ESRRA: variants seen among roughly 807,000 people sequenced by gnomAD.
ESRRA encodes the protein estrogen related receptor alpha.
Under a neutral mutation model 35.6 loss-of-function variants are expected in ESRRA, and 7 were observed. The ratio of observed to expected loss-of-function variants is 0.20; its 90% CI spans 0.11 to 0.37. ESRRA has a LOEUF of 0.37. Among genes scored for constraint, ESRRA ranks in the 10% least tolerant of loss-of-function variants. The pLI, the probability that ESRRA is intolerant of heterozygous loss-of-function variation, is 1.00. For missense variants in ESRRA, 378 were observed against 561.7 expected (o/e 0.67, Z 3.31); for synonymous variants, 223 against 246.9 (o/e 0.90, Z 0.91).
rs749590671 is a variant in ESRRA, at chr11:64,314,268, C to T, written c.472C>T (p.Arg158Trp). ...GVRLDRVRGG[R>W]QKYKRRPEVD... Reference sequence around the variant, plus strand: ...GCGCCTGGACCGCGTCCGGGGTGGGCGGCAGAAGTACAAGCGGCGGCCGGA... The same window carrying T: ...GCGCCTGGACCGCGTCCGGGGTGGGTGGCAGAAGTACAAGCGGCGGCCGGA... The change falls in exon 4 of 7, where the codon CGG (arginine) becomes TGG (tryptophan). Residue 158 changes from arginine (R) to tryptophan (W), a missense_variant. Physicochemically the swap from Arg to Trp is moderately radical, Grantham distance 101. Transcript: ENST00000000442. 1.2e-6 allele frequency: 2 copies of T among 1,611,920 alleles called. No homozygotes were observed. The highest frequency in any genetic ancestry group is 8.5e-7 in the Non-Finnish European group (1 of 1,179,686).
chr11:64,307,563 G>A, intron 2 of ESRRA, 59 bp downstream of exon 2: 1 of 1,320,082 alleles, frequency 7.6e-7, no homozygotes, highest in Non-Finnish European at 1.0e-6. Context: ...ACACTGCTGG[G>A]TGCAATAGGC....
At position 64,313,877 on chromosome 11, in the gene ESRRA, C is replaced by A. The variant is rs1252427383; in HGVS notation, c.326-74C>A. 5.7e-6 allele frequency: 6 copies of A among 1,053,792 alleles called. No homozygotes were observed. Among genetic ancestry groups the A allele is most frequent in the Non-Finnish European group, 8.4e-6 (6 of 718,064 alleles). 65.3% of individuals were successfully genotyped at this position (1,053,792 alleles called of 1,614,324 possible). A position where few individuals can be genotyped will look rare whatever the true frequency, so the allele number is the denominator to read the frequency against. ...AGACCTGTGCTTGCCCGGGGAGAGTCAGGGCTCTCCTGTCAGCTGGGTCCC... is the reference window on the plus strand; with the variant it reads ...AGACCTGTGCTTGCCCGGGGAGAGTAAGGGCTCTCCTGTCAGCTGGGTCCC... On this transcript the variant is annotated intron_variant, in intron 2 of 6. Coordinates refer to ENST00000000442, the MANE Select transcript of ESRRA (RefSeq NM_004451.5). This position sits in a 1 kb window ranked among gnomAD's most constrained non-coding sequence, Gnocchi z 4.0.
Position 64,314,726 on chromosome 11 carries a change from C to T in ESRRA, c.572-15C>T, listed in dbSNP as rs755492840. 1.3e-5 allele frequency: 21 copies of T among 1,607,086 alleles called. 1 individual carries two copies. The South Asian group carries it at 2.2e-4, about 17-fold the overall frequency. On this transcript the variant is annotated splice_polypyrimidine_tract_variant and intron_variant, in intron 4 of 6. Coordinates refer to ENST00000000442, the MANE Select transcript of ESRRA (RefSeq NM_004451.5). ...GATTCGAGTGCTCCTGACTCTTGTC[C>T]TCTAATTGTCACAGCAGCCCCAGTG...
chr11:64,306,208 T>G (rs1197140482), intron 1 of ESRRA: 2 of 152,344 alleles, frequency 1.3e-5, no homozygotes, highest in Non-Finnish European at 2.9e-5. Flanking sequence ...CTCTCCCCAC[T>G]TACTTCCTGA....
At chr11:64,309,944 A>T (rs2035108024) in intron 2 of ESRRA, among the ~76,000 whole-genome samples, 1 of 152,042 alleles carries the variant, frequency 6.6e-6, no homozygotes, top group South Asian at 2.1e-4. Flanking sequence ...AAAAAAAAAA[A>T]AAAAAAAAAA....
At position 64,315,692 on chromosome 11, in the gene ESRRA, C is replaced by T. The variant is rs778256216; in HGVS notation, c.1013-15C>T. ...AGATAGCCCAGGCCAACACCACATT[C>T]CTCTCTTCTTGCAGACTCTGTGCAC... is the stretch of plus-strand genomic sequence containing the variant. On this transcript the variant is annotated splice_polypyrimidine_tract_variant and intron_variant, in intron 6 of 6. Coordinates refer to ENST00000000442, the MANE Select transcript of ESRRA (RefSeq NM_004451.5). 1.4e-5 allele frequency: 22 copies of T among 1,612,850 alleles called. No individual in the cohort carries two copies. The highest frequency in any genetic ancestry group is 1.7e-5 in the Non-Finnish European group (20 of 1,179,224).
rs540552530 is a variant in ESRRA, at chr11:64,306,026, A to G, written c.-13+290A>G. Reference sequence around the variant, plus strand: ...CCAGCCCGCTCCGGGGCAGGGTTCAATCCCGCATTTGCCGAAGTCCCTGGG... The same window carrying G: ...CCAGCCCGCTCCGGGGCAGGGTTCAGTCCCGCATTTGCCGAAGTCCCTGGG... On this transcript the variant is annotated intron_variant, in intron 1 of 6. Coordinates refer to ENST00000000442, the MANE Select transcript of ESRRA (RefSeq NM_004451.5). Among the ~76,000 whole-genome samples, 14 of 152,188 alleles carry G rather than the reference A, an allele frequency of 9.2e-5. No homozygotes were observed. The South Asian group carries it at 1.9e-3, about 20-fold the overall frequency.
chr11:64,313,195 T>A lies in ESRRA; in HGVS notation c.326-756T>A, dbSNP rs1167337763. ...TTGGAGGAGGTAAAGCCCACCAGAA[T>A]GTGTCGGTGGCTTGGATGTGGGGTG... is the stretch of plus-strand genomic sequence containing the variant. On this transcript the variant is annotated intron_variant, in intron 2 of 6. Coordinates refer to ENST00000000442, the MANE Select transcript of ESRRA (RefSeq NM_004451.5). This position sits in a 1 kb window ranked among gnomAD's most constrained non-coding sequence, Gnocchi z 4.0. Among the ~76,000 whole-genome samples the A allele has an allele frequency of 2.0e-5, 3 of 152,020 alleles. No homozygotes were observed. Among genetic ancestry groups the A allele is most frequent in the Admixed American group, 2.0e-4 (3 of 15,260 alleles).
chr11:64,315,684 A>G (rs2035236816), intron 6 of ESRRA, 23 bp from the exon 7 acceptor site: 1 of 1,611,812 alleles, frequency 6.2e-7, no homozygotes, highest in African/African-American at 1.3e-5. Flanking sequence ...CCAGGCCAAC[A>G]CCACATTCCT....
Position 64,309,886 on chromosome 11 carries a change from C to T in ESRRA, c.325+2382C>T, listed in dbSNP as rs1349957491. On this transcript the variant is annotated intron_variant, in intron 2 of 6. Coordinates refer to ENST00000000442, the MANE Select transcript of ESRRA (RefSeq NM_004451.5). ...GGCAGAGGTTGGAGTTAGCCAAGAT[C>T]GTGCCACTGCACTCCCAGCCTGGGT... Among the ~76,000 whole-genome samples, 24 of 145,310 alleles carry T rather than the reference C, an allele frequency of 1.7e-4. 2 individuals are homozygous for T. Among genetic ancestry groups the T allele is most frequent in the Admixed American group, 1.4e-3 (19 of 13,940 alleles).
At position 64,315,040 on chromosome 11, in the gene ESRRA, T is replaced by A. The variant is rs1167901937; in HGVS notation, c.782T>A (p.Leu261Gln). Reference protein sequence around the residue: ...SLSLSDQMSVLQSVWMEVLVL... With the variant: ...SLSLSDQMSVQQSVWMEVLVL... ...TCGCTGTCTGACCAGATGTCAGTACTGCAGAGCGTGTGGATGGAGGTGCTG... is the reference window on the plus strand; with the variant it reads ...TCGCTGTCTGACCAGATGTCAGTACAGCAGAGCGTGTGGATGGAGGTGCTG... The change falls in exon 6 of 7, where the codon CTG (leucine) becomes CAG (glutamine). Residue 261 changes from leucine (L) to glutamine (Q), a missense_variant. Around this residue, in one of 4 missense-constraint regions of ESRRA, gnomAD observed 284 missense variants for 411.7 expected, o/e 0.69. Coordinates refer to ENST00000000442, the MANE Select transcript of ESRRA (RefSeq NM_004451.5). 3 of 1,607,426 alleles carry A rather than the reference T, an allele frequency of 1.9e-6. No individual in the cohort carries two copies. Among genetic ancestry groups the A allele is most frequent in the Non-Finnish European group, 2.5e-6 (3 of 1,177,702 alleles).
Position 64,314,070 on chromosome 11 carries a change from G to C in ESRRA, c.442+3G>C. 1 of 1,586,614 alleles carries C rather than the reference G, an allele frequency of 6.3e-7. No homozygotes were observed. Among genetic ancestry groups the C allele is most frequent in the Admixed American group, 1.8e-5 (1 of 55,944 alleles). On this transcript the variant is annotated splice_donor_region_variant and intron_variant, in intron 3 of 6. Coordinates refer to ENST00000000442, the MANE Select transcript of ESRRA (RefSeq NM_004451.5). Reference sequence around the variant, plus strand: ...GCGGGTGGGCATGCTCAAGGAGGGTGAGCGCTGGGCAGGGGCTGGGCGAGG... The same window carrying C: ...GCGGGTGGGCATGCTCAAGGAGGGTCAGCGCTGGGCAGGGGCTGGGCGAGG...
chr11:64,309,014 G>A lies in ESRRA; in HGVS notation c.325+1510G>A, dbSNP rs180697768. On this transcript the variant is annotated intron_variant, in intron 2 of 6. Transcript: ENST00000000442. The stretch of plus-strand genomic sequence containing the variant: ...CCTGTCATCCCACTCAAGAGGCTGA[G>A]ACAGGAGAATTGCTTGAACCTGGGA... Among the ~76,000 whole-genome samples the A allele has an allele frequency of 2.1e-3, 324 of 152,118 alleles. 5 individuals are homozygous for A. The highest frequency in any genetic ancestry group is 0.016 in the East Asian group (83 of 5,176).
chr11:64,306,867 G>A, intron 1 of ESRRA: 1 of 285,888 alleles, frequency 3.5e-6, no homozygotes, highest in Non-Finnish European at 6.5e-6. Flanking sequence ...AGGTTGCCTG[G>A]GGGCTACGGT....
chr11:64,316,144 CAG>C lies in ESRRA; in HGVS notation c.*180_*181del. Reference sequence around the variant, plus strand: ...CTCTCCTCCCCCTCCTAGGGGGTGTCAGAAGCTGGGAACGTGTGTCCAGGCTC... The same window carrying C: ...CTCTCCTCCCCCTCCTAGGGGGTGTCAAGCTGGGAACGTGTGTCCAGGCTC... On this transcript the variant is annotated 3_prime_UTR_variant, in exon 7 of 7. Transcript: ENST00000000442. 1 of 703,072 alleles carries C rather than the reference CAG, an allele frequency of 1.4e-6. No individual in the cohort carries two copies. Among genetic ancestry groups the C allele is most frequent in the East Asian group, 2.8e-5 (1 of 35,832 alleles). 43.6% of individuals were successfully genotyped at this position (703,072 alleles called of 1,614,324 possible). A position where few individuals can be genotyped will look rare whatever the true frequency, so the allele number is the denominator to read the frequency against.
At chr11:64,315,479 G>T (rs558482838) in intron 6 of ESRRA, among the ~76,000 whole-genome samples, 2 of 152,344 alleles carry the variant, frequency 1.3e-5, no homozygotes, top group East Asian at 3.9e-4. Context: ...ATGCAGAAAG[G>T]TCATTTAGTG....
At chr11:64,310,341 T>G (rs2035116199) in intron 2 of ESRRA, among the ~76,000 whole-genome samples, 1 of 151,154 alleles carries the variant, frequency 6.6e-6, no homozygotes, top group Admixed American at 6.6e-5. Context: ...TTCACACCAT[T>G]CTCCTGCCTC....
intron 2 of ESRRA, among the ~76,000 whole-genome samples, chr11:64,310,494 A>G (rs895475117): frequency 1.3e-5 from 2 of 150,512 alleles, no homozygotes; most frequent in Non-Finnish European, 2.9e-5. Flanking sequence ...TTGGACTCCC[A>G]AAGTGCTGGG....
At chr11:64,311,518 C>T (rs1485809139) in intron 2 of ESRRA, among the ~76,000 whole-genome samples, 14 of 151,464 alleles carry the variant, frequency 9.2e-5, no homozygotes, top group South Asian at 2.1e-4. Context: ...CGGGTTCAAG[C>T]GATTCTCCTG....
Sources: allele counts gnomAD v4.1 joint callset (sites outside exome capture counted in the v4.1 genomes callset), GRCh38; gene constraint gnomAD v4.1.1; regional missense constraint gnomAD v4.1.1; non-coding constraint Gnocchi (gnomAD v3.1); transcripts MANE v1.5; gene names NCBI Gene and HGNC (gene_info 2026-07-23, HGNC 2026-07-21).